ROBO1: variants seen among roughly 807,000 people sequenced by gnomAD.
ROBO1 encodes roundabout guidance receptor 1.
ROBO1 carries 149 observed loss-of-function variants against 195.9 expected under a neutral mutation model. That is an observed-to-expected ratio of 0.76 (90% CI 0.67 to 0.87). ROBO1 has a LOEUF of 0.87. Among genes scored for constraint, ROBO1 ranks in the 40% least tolerant of loss-of-function variants. The pLI, the probability that ROBO1 is intolerant of heterozygous loss-of-function variation, is 0.00. For synonymous variants in ROBO1, 816 were observed against 733.2 expected, an observed-to-expected ratio of 1.11 and a Z score of -1.82; for missense variants, 1,933 against 2,068.3, an observed-to-expected ratio of 0.93 and a Z score of 1.27.
intron 2 of ROBO1, among the ~76,000 whole-genome samples, chr3:79,367,280 A>G (rs1048645680): frequency 6.6e-6 from 1 of 152,144 alleles, no homozygotes; most frequent in Non-Finnish European, 1.5e-5. Flanking sequence ...GTTTGAATGG[A>G]ATCAGGGAAT....
intron 2 of ROBO1, among the ~76,000 whole-genome samples, chr3:79,162,231 C>T (rs985067992): frequency 2.0e-5 from 3 of 151,924 alleles, no homozygotes; most frequent in Admixed American, 6.6e-5. Flanking sequence ...CACAGGATCC[C>T]AGTAAAAATG....
intron 3 of ROBO1, among the ~76,000 whole-genome samples, chr3:78,968,968 T>C (rs530211014): frequency 1.6e-4 from 25 of 152,180 alleles, no homozygotes; most frequent in Non-Finnish European, 2.8e-4. Context: ...AGGCTCAAAA[T>C]AGTTAAGTAC....
chr3:79,194,027 G>A (rs1298852157), intron 2 of ROBO1, among the ~76,000 whole-genome samples: 3 of 151,656 alleles, frequency 2.0e-5, no homozygotes, highest in African/African-American at 7.3e-5. Flanking sequence ...ATGGCTGTGA[G>A]CAGTAGCCAT....
chr3:79,682,699 C>G (rs577404751), intron 1 of ROBO1, among the ~76,000 whole-genome samples: 186 of 152,068 alleles, frequency 1.2e-3, no homozygotes, highest in African/African-American at 4.3e-3. Context: ...GTAGATGGCT[C>G]TAAATAATAG....
At chr3:79,245,503 G>A (rs1267719397) in intron 2 of ROBO1, among the ~76,000 whole-genome samples, 1 of 151,938 alleles carries the variant, frequency 6.6e-6, no homozygotes, top group African/African-American at 2.4e-5. Context: ...GCAACCAGCT[G>A]GCTAGCTTTG....
intron 3 of ROBO1, among the ~76,000 whole-genome samples, chr3:79,022,055 A>C (rs372437493): frequency 6.6e-6 from 1 of 152,116 alleles, no homozygotes; most frequent in Non-Finnish European, 1.5e-5. Flanking sequence ...TCACCAACTC[A>C]TATGTGTTAG....
At chr3:79,329,594 A>C (rs1035980572) in intron 2 of ROBO1, among the ~76,000 whole-genome samples, 2 of 152,228 alleles carry the variant, frequency 1.3e-5, no homozygotes, top group Non-Finnish European at 2.9e-5. Flanking sequence ...TACAACTGAT[A>C]GTGCTTTGAA....
chr3:79,083,386 C>A (rs1291317366), intron 3 of ROBO1, among the ~76,000 whole-genome samples: 1 of 152,006 alleles, frequency 6.6e-6, no homozygotes, highest in Non-Finnish European at 1.5e-5. Context: ...GAAAATAATT[C>A]ATTGTTGTGC....
intron 2 of ROBO1, among the ~76,000 whole-genome samples, chr3:79,362,850 A>G (rs1214809137): frequency 6.6e-6 from 1 of 152,120 alleles, no homozygotes; most frequent in African/African-American, 2.4e-5. Context: ...TGCCAACTCA[A>G]ATGCTGGGAT....
At position 79,607,095 on chromosome 3, in the gene ROBO1, G is replaced by GAACACA. The variant is rs71631663; in HGVS notation, c.-50-17135_-50-17134insTGTGTT. On this transcript the variant is annotated intron_variant, in intron 1 of 30. Transcript: ENST00000464233. Reference sequence around the variant, plus strand: ...TTTTCAATAACTGTTATTAAAACCTGCACACACACACACACACACACACAC... The same window carrying GAACACA: ...TTTTCAATAACTGTTATTAAAACCTGAACACACACACACACACACACACACACACAC... Among the ~76,000 whole-genome samples the GAACACA allele has an allele frequency of 1.0e-4, 14 of 140,044 alleles. No individual in the cohort carries two copies. The East Asian group carries it at 2.9e-3, about 29-fold the overall frequency. The allele number at this position is 140,044 out of a possible 152,430, so 91.9% of individuals were successfully genotyped here.
chr3:78,673,124 G>T (rs1477881192), intron 10 of ROBO1, among the ~76,000 whole-genome samples: 2 of 151,922 alleles, frequency 1.3e-5, no homozygotes, highest in Non-Finnish European at 2.9e-5. Flanking sequence ...TTATTGGAGG[G>T]TGCAAACATG....
chr3:79,564,981 T>C (rs1943045606), intron 2 of ROBO1, among the ~76,000 whole-genome samples: 1 of 152,090 alleles, frequency 6.6e-6, no homozygotes, highest in Non-Finnish European at 1.5e-5. Flanking sequence ...AAGCAATCAA[T>C]TAAATTGATA....
At chr3:78,863,065 C>T (rs1308562360) in intron 4 of ROBO1, among the ~76,000 whole-genome samples, 1 of 152,186 alleles carries the variant, frequency 6.6e-6, no homozygotes. Flanking sequence ...AAAACAACAA[C>T]AGTGATTACG....
At chr3:78,659,999 C>T in intron 16 of ROBO1, 192 bp from the exon 17 acceptor site, 2 of 352,636 alleles carry the variant, frequency 5.7e-6, no homozygotes, top group Non-Finnish European at 9.9e-6. Context: ...CGGCTCACTG[C>T]AACCTCCCCC....
chr3:79,580,287 C>T (rs1037242220), intron 2 of ROBO1, among the ~76,000 whole-genome samples: 26 of 151,978 alleles, frequency 1.7e-4, no homozygotes, highest in African/African-American at 5.1e-4. Flanking sequence ...GCCTGACAAA[C>T]GTGGTGAAAC....
At chr3:79,745,825 G>A (rs1010096854) in intron 1 of ROBO1, among the ~76,000 whole-genome samples, 1 of 152,006 alleles carries the variant, frequency 6.6e-6, no homozygotes, top group Admixed American at 6.6e-5. Context: ...TTGGCTTAAG[G>A]TCAAGTTAGT....
intron 1 of ROBO1, among the ~76,000 whole-genome samples, chr3:79,596,355 A>G (rs2107843881): frequency 6.6e-6 from 1 of 152,184 alleles, no homozygotes; most frequent in South Asian, 2.1e-4. Context: ...AAGGGGATTA[A>G]GTTGGTGACA....
intron 2 of ROBO1, among the ~76,000 whole-genome samples, chr3:79,184,114 A>C (rs1369791455): frequency 1.3e-5 from 2 of 152,142 alleles, no homozygotes. Flanking sequence ...CAGTGATGTC[A>C]AGGGGAAAAA....
chr3:78,632,637 T>G (rs1000400036), intron 24 of ROBO1, among the ~76,000 whole-genome samples: 1 of 152,196 alleles, frequency 6.6e-6, no homozygotes, highest in Non-Finnish European at 1.5e-5. Flanking sequence ...TACATCTTTT[T>G]ACCATATATT....
Sources: gnomAD v4.1 joint callset for allele counts (sites outside exome capture counted in the v4.1 genomes callset) on GRCh38, gnomAD v4.1.1 for gene constraint, MANE v1.5 for transcripts, NCBI Gene and HGNC (gene_info 2026-07-23, HGNC 2026-07-21) for gene names.